The following PPM1H variants were observed in gnomAD, a reference collection of about 807,000 sequenced individuals.
PPM1H encodes protein phosphatase, Mg2+/Mn2+ dependent 1H, also known as protein phosphatase 1H.
PPM1H carries 27 observed loss-of-function variants against 54.9 expected under a neutral mutation model. The observed-to-expected ratio is 0.49, with a 90% CI of 0.36 to 0.68. The LOEUF (loss-of-function observed/expected upper bound fraction) is 0.68, where lower values mean the gene tolerates loss of function less well. PPM1H is among the 30% of genes least tolerant of loss of function. The pLI is 0.00. For missense variants in PPM1H, 596 were observed against 667.8 expected (o/e 0.89, Z 1.19); for synonymous variants, 305 against 270.8 (o/e 1.13, Z -1.24).
chr12:62,794,694 G>A (rs953765087), intron 3 of PPM1H, among the ~76,000 whole-genome samples: 3 of 152,120 alleles, frequency 2.0e-5, no homozygotes, highest in African/African-American at 7.2e-5. Context: ...ACCCTGCAGT[G>A]GAATCGACTT....
At chr12:62,724,550 T>C (rs2076279737) in intron 5 of PPM1H, among the ~76,000 whole-genome samples, 1 of 152,184 alleles carries the variant, frequency 6.6e-6, no homozygotes, top group Non-Finnish European at 1.5e-5. Context: ...CCTCTGAGGA[T>C]GTGCAGGTTT....
At chr12:62,710,892 T>G (rs2076203733) in intron 6 of PPM1H, among the ~76,000 whole-genome samples, 1 of 152,236 alleles carries the variant, frequency 6.6e-6, no homozygotes, top group Non-Finnish European at 1.5e-5. Context: ...CCATAATAGC[T>G]AATGATTATA....
intron 1 of PPM1H, among the ~76,000 whole-genome samples, chr12:62,903,860 G>A (rs567275641): frequency 1.1e-3 from 164 of 152,278 alleles, no homozygotes; most frequent in South Asian, 0.01. Flanking sequence ...AGAGAACTGA[G>A]AAATAGAAAG....
chr12:62,902,321 T>C (rs1871183142), intron 1 of PPM1H, among the ~76,000 whole-genome samples: 1 of 151,924 alleles, frequency 6.6e-6, no homozygotes, highest in African/African-American at 2.4e-5. Context: ...ACCATTGCAC[T>C]GCAGCCTGGG....
chr12:62,736,163 C>A (rs1310411522), intron 5 of PPM1H, among the ~76,000 whole-genome samples: 1 of 152,194 alleles, frequency 6.6e-6, no homozygotes, highest in Non-Finnish European at 1.5e-5. Context: ...CTAGCTATAA[C>A]GAATTCTACT....
chr12:62,684,469 T>A (rs541879883), intron 8 of PPM1H, among the ~76,000 whole-genome samples: 2 of 152,354 alleles, frequency 1.3e-5, no homozygotes, highest in African/African-American at 4.8e-5. Context: ...AGTTTCTTTT[T>A]TTTTAACATA....
At chr12:62,764,200 G>A (rs2120621830) in intron 4 of PPM1H, among the ~76,000 whole-genome samples, 1 of 140,212 alleles carries the variant, frequency 7.1e-6, no homozygotes, top group South Asian at 2.4e-4. Context: ...CAGAAGAGAT[G>A]CACCCAGAGA....
Position 62,667,175 on chromosome 12 carries a change from A to G in PPM1H, c.1397+3T>C, listed in dbSNP as rs1424407189. ...AACCCTACAATTGTAGAAATGCACA[A>G]ACCTGTGAGGATCATCTGGATCACA... On this transcript the variant is annotated splice_donor_region_variant and intron_variant, in intron 9 of 9. Coordinates refer to ENST00000228705, the MANE Select transcript of PPM1H (RefSeq NM_020700.2). The G allele has an allele frequency of 1.9e-6, 3 of 1,581,320 alleles. No homozygotes were observed. The highest frequency in any genetic ancestry group is 2.6e-6 in the Non-Finnish European group (3 of 1,153,266).
intron 4 of PPM1H, among the ~76,000 whole-genome samples, chr12:62,764,885 C>T (rs748728129): frequency 8.5e-5 from 13 of 152,154 alleles, no homozygotes; most frequent in South Asian, 8.3e-4. Context: ...GTGTGAAGGC[C>T]GCATGGTGGC....
chr12:62,753,439 T>C, intron 4 of PPM1H, among the ~76,000 whole-genome samples: 1 of 152,250 alleles, frequency 6.6e-6, no homozygotes. Context: ...CAGGTTCCTT[T>C]GTAACAATGC....
chr12:62,769,352 A>G (rs1421726819), intron 4 of PPM1H, among the ~76,000 whole-genome samples: 1 of 152,204 alleles, frequency 6.6e-6, no homozygotes, highest in Non-Finnish European at 1.5e-5. Context: ...TAAGTGGCAG[A>G]ATCCTGATGG....
At chr12:62,721,761 T>C (rs1028011086) in intron 5 of PPM1H, among the ~76,000 whole-genome samples, 1 of 152,224 alleles carries the variant, frequency 6.6e-6, no homozygotes, top group Non-Finnish European at 1.5e-5. Context: ...AGTTTATCTG[T>C]AAATGAGATT....
chr12:62,659,082 C>T (rs1284255905), intron 9 of PPM1H: 1 of 729,148 alleles, frequency 1.4e-6, no homozygotes, highest in Non-Finnish European at 2.5e-6. Flanking sequence ...GGAAGTGCTG[C>T]TGCCATGCAA....
intron 2 of PPM1H, among the ~76,000 whole-genome samples, chr12:62,822,606 A>G (rs1251765776): frequency 6.6e-6 from 1 of 152,238 alleles, no homozygotes; most frequent in Non-Finnish European, 1.5e-5. Context: ...AAACCGCTCA[A>G]CTACATGGAA....
At chr12:62,846,177 A>G (rs895838405) in intron 1 of PPM1H, among the ~76,000 whole-genome samples, 34 of 152,010 alleles carry the variant, frequency 2.2e-4, no homozygotes, top group African/African-American at 7.0e-4. Flanking sequence ...AATATCTCCA[A>G]ATGGGCTCTG....
intron 1 of PPM1H, among the ~76,000 whole-genome samples, chr12:62,908,884 G>A (rs1871377955): frequency 2.0e-5 from 3 of 152,034 alleles, no homozygotes; most frequent in African/African-American, 7.2e-5. Context: ...ACTAATCCCT[G>A]GCTTACAGAT....
rs561629149 is a variant in PPM1H at position 62,891,022 on chromosome 12, T to A, written c.245+43470A>T. Among the ~76,000 whole-genome samples, 211 of 146,520 alleles carry A rather than the reference T, an allele frequency of 1.4e-3. 2 individuals are homozygous for A. The highest frequency in any genetic ancestry group is 2.7e-3 in the Non-Finnish European group (182 of 67,572). On this transcript the variant is annotated intron_variant, in intron 1 of 9. Coordinates refer to ENST00000228705, the MANE Select transcript of PPM1H (RefSeq NM_020700.2). ...TACTTGGGATGCTGAGACAGGAGAA[T>A]CGCTTGATCCCAGGAGGTGGAGGTT...
intron 1 of PPM1H, among the ~76,000 whole-genome samples, chr12:62,927,276 C>T (rs1871997899): frequency 6.6e-6 from 1 of 152,176 alleles, no homozygotes; most frequent in Non-Finnish European, 1.5e-5. Flanking sequence ...AAGATATTCA[C>T]TAAAAGCCTA....
At chr12:62,748,756 T>C (rs2076426191) in intron 4 of PPM1H, among the ~76,000 whole-genome samples, 1 of 152,148 alleles carries the variant, frequency 6.6e-6, no homozygotes. Context: ...ATGTGAGTAA[T>C]TGGTGGTAGG....
Sources: gnomAD v4.1 joint callset for allele counts (sites outside exome capture counted in the v4.1 genomes callset) on GRCh38, gnomAD v4.1.1 for gene constraint, MANE v1.5 for transcripts, NCBI Gene and HGNC (gene_info 2026-07-23, HGNC 2026-07-21) for gene names.